The following CADPS variants were observed in gnomAD, a reference collection of about 807,000 sequenced individuals.
The protein encoded by CADPS is calcium-dependent secretion activator 1.
Under a neutral mutation model 167.3 loss-of-function variants are expected in CADPS, and 57 were observed. The ratio of observed to expected loss-of-function variants is 0.34; its 90% CI spans 0.28 to 0.42. The LOEUF (loss-of-function observed/expected upper bound fraction) is 0.42. Among genes scored for constraint, CADPS ranks in the 20% least tolerant of loss-of-function variants. The pLI is 1.00. For synonymous variants in CADPS, 676 were observed against 635.3 expected (o/e 1.06, Z -0.96); for missense variants, 1,414 against 1,738.1 (o/e 0.81, Z 3.32).
chr3:62,516,994 T>C (rs547079450), intron 14 of CADPS, among the ~76,000 whole-genome samples: 2 of 152,190 alleles, frequency 1.3e-5, no homozygotes, highest in East Asian at 3.9e-4. Flanking sequence ...AAAGTATTAG[T>C]TGGAACAGGC....
chr3:62,669,121 C>T (rs2150710698), intron 3 of CADPS, among the ~76,000 whole-genome samples: 1 of 152,258 alleles, frequency 6.6e-6, no homozygotes, highest in East Asian at 1.9e-4. Flanking sequence ...CAGTGCAAGC[C>T]ACCTGCTGAC....
At chr3:62,728,221 T>C (rs1200475093) in intron 3 of CADPS, among the ~76,000 whole-genome samples, 4 of 151,770 alleles carry the variant, frequency 2.6e-5, no homozygotes, top group African/African-American at 9.7e-5. Context: ...GAGCTGAAAC[T>C]CAAATCCAAA....
intron 4 of CADPS, among the ~76,000 whole-genome samples, chr3:62,655,269 A>G (rs2071263357): frequency 6.6e-6 from 1 of 152,184 alleles, no homozygotes; most frequent in Admixed American, 6.5e-5. Context: ...TTGCAAACAC[A>G]TTTCAAAGCT....
At chr3:62,447,395 C>T (rs533004605) in intron 26 of CADPS, among the ~76,000 whole-genome samples, 1 of 152,192 alleles carries the variant, frequency 6.6e-6, no homozygotes, top group Non-Finnish European at 1.5e-5. Context: ...TACAGATTCT[C>T]TTAGAACCTT....
chr3:62,580,857 C>T (rs546460195), intron 8 of CADPS, among the ~76,000 whole-genome samples: 20 of 152,204 alleles, frequency 1.3e-4, no homozygotes, highest in Non-Finnish European at 2.2e-4. Flanking sequence ...GATCTCTGAC[C>T]TAAATAGACA....
chr3:62,757,169 T>A (rs2084147282), intron 2 of CADPS, among the ~76,000 whole-genome samples: 1 of 152,066 alleles, frequency 6.6e-6, no homozygotes, highest in Non-Finnish European at 1.5e-5. Flanking sequence ...ACATAAGGGG[T>A]GACTTGAAAA....
chr3:62,779,437 T>C (rs1201418002), intron 1 of CADPS: 3 of 517,986 alleles, frequency 5.8e-6, no homozygotes, highest in Non-Finnish European at 1.1e-5. Context: ...GATTATTCTG[T>C]TCCTCATTTT....
In CADPS at chr3:62,650,896, C is replaced by T. The variant is rs2069941134; in HGVS notation, c.1154G>A (p.Ser385Asn). 6.2e-7 allele frequency: 1 copy of T among 1,614,092 alleles called. No individual in the cohort carries two copies. Among genetic ancestry groups the T allele is most frequent in the East Asian group, 2.2e-5 (1 of 44,866 alleles). Residue 385 changes from serine to asparagine, a missense_variant, in exon 5 of 30, where the codon AGT (serine) becomes AAT (asparagine). By Grantham distance (46) the Ser-to-Asn change is conservative. Coordinates refer to ENST00000383710, the MANE Select transcript of CADPS (RefSeq NM_003716.4). ...NASIIDMGEE[S>N]ENQLSKSDVV... ...ATCTGACTTGGAGAGCTGGTTCTCA[C>T]TCTCCTCGCCCATGTCGATGATGGA... is the stretch of plus-strand genomic sequence containing the variant.
chr3:62,412,419 A>C lies in CADPS; in HGVS notation c.3778-9234T>G, dbSNP rs557616888. ...TCTCATTAGGAAGAGATAATGCAAA[A>C]GACATAATAATTTAAAAGATATATT... is the stretch of plus-strand genomic sequence containing the variant. On this transcript the variant is annotated intron_variant, in intron 28 of 29. Coordinates refer to ENST00000383710, the MANE Select transcript of CADPS (RefSeq NM_003716.4). This position sits in a 1 kb window ranked among gnomAD's most constrained non-coding sequence, Gnocchi z 4.1. Among the ~76,000 whole-genome samples the C allele has an allele frequency of 2.6e-4, 39 of 152,310 alleles. No individual in the cohort carries two copies. The highest frequency in any genetic ancestry group is 7.2e-4 in the African/African-American group (30 of 41,566).
At chr3:62,522,899 C>T (rs1332531495) in intron 13 of CADPS, among the ~76,000 whole-genome samples, 1 of 152,162 alleles carries the variant, frequency 6.6e-6, no homozygotes, top group Non-Finnish European at 1.5e-5. Flanking sequence ...GCTCTCCCAC[C>T]TGCGGGCCAT....
At chr3:62,541,347 C>A (rs555106113) in intron 11 of CADPS, among the ~76,000 whole-genome samples, 4 of 152,224 alleles carry the variant, frequency 2.6e-5, no homozygotes, top group African/African-American at 7.2e-5. Context: ...AACATTGCTA[C>A]CTGTTTCACT....
intron 6 of CADPS, among the ~76,000 whole-genome samples, chr3:62,604,729 C>T (rs188980542): frequency 1.5e-3 from 236 of 152,306 alleles, no homozygotes; most frequent in Admixed American, 3.5e-3. Context: ...TTTTGTCCTT[C>T]GAAATGTTGG....
intron 3 of CADPS, among the ~76,000 whole-genome samples, chr3:62,745,290 C>G (rs905996585): frequency 1.3e-5 from 2 of 152,022 alleles, no homozygotes; most frequent in African/African-American, 4.8e-5. Context: ...CCAGCCTGGT[C>G]TTGAACTCCT....
intron 1 of CADPS, among the ~76,000 whole-genome samples, chr3:62,865,012 A>G (rs1201416030): frequency 6.6e-6 from 1 of 152,196 alleles, no homozygotes; most frequent in Non-Finnish European, 1.5e-5. Flanking sequence ...ATGTATAACA[A>G]ACAAAACTTG....
chr3:62,542,501 G>C (rs1179835616), intron 11 of CADPS, among the ~76,000 whole-genome samples: 1 of 152,128 alleles, frequency 6.6e-6, no homozygotes, highest in African/African-American at 2.4e-5. Flanking sequence ...CCTTGGAATA[G>C]TCAAGTAACC....
intron 7 of CADPS, among the ~76,000 whole-genome samples, chr3:62,589,294 G>A (rs1287210570): frequency 6.6e-6 from 1 of 152,230 alleles, no homozygotes; most frequent in African/African-American, 2.4e-5. Flanking sequence ...CCAGCAGAGG[G>A]TGTCCAGCCA....
chr3:62,409,749 A>G (rs2048596774), intron 28 of CADPS, among the ~76,000 whole-genome samples: 1 of 152,240 alleles, frequency 6.6e-6, no homozygotes, highest in Admixed American at 6.5e-5. Flanking sequence ...TACAAAAGCT[A>G]TAACGTTGAT....
intron 17 of CADPS, among the ~76,000 whole-genome samples, chr3:62,509,307 AG>A (rs10595006): frequency 0.74 from 87,565 of 118,620 alleles, 32,702 homozygotes; most frequent in Middle Eastern, 0.83. Flanking sequence ...AAAAAAAAAA[AG>A]AAAGAAAGAA....
intron 14 of CADPS, among the ~76,000 whole-genome samples, chr3:62,517,813 T>C (rs1356612260): frequency 6.6e-6 from 1 of 152,190 alleles, no homozygotes; most frequent in Non-Finnish European, 1.5e-5. Flanking sequence ...TCCTTCCTTG[T>C]TCACCATGTT....
Sources: gnomAD v4.1 joint callset for allele counts (sites outside exome capture counted in the v4.1 genomes callset) on GRCh38, gnomAD v4.1.1 for gene constraint, Gnocchi (gnomAD v3.1) non-coding constraint, MANE v1.5 for transcripts, NCBI Gene and HGNC (gene_info 2026-07-23, HGNC 2026-07-21) for gene names.